Variants in MICAL2 observed in about 807,000 individuals in gnomAD.
MICAL2 encodes the protein [F-actin]-monooxygenase MICAL2.
Under a neutral mutation model 127.3 loss-of-function variants are expected in MICAL2, and 77 were observed. The ratio of observed to expected loss-of-function variants is 0.60; its 90% CI spans 0.50 to 0.73. The LOEUF (loss-of-function observed/expected upper bound fraction) is 0.73. Among genes scored for constraint, MICAL2 ranks in the 30% least tolerant of loss-of-function variants. The pLI is 0.00. For missense variants in MICAL2, 1,351 were observed against 1,434.4 expected (o/e 0.94, Z 0.94); for synonymous variants, 570 against 551.1 (o/e 1.03, Z -0.48).
At chr11:12,260,287 T>G (rs2134699771) in intron 26 of MICAL2, 1 of 1,427,486 alleles carries the variant, frequency 7.0e-7, no homozygotes, top group Admixed American at 2.9e-5. Context: ...AGCAATTAGC[T>G]CAAAGCCAAA....
At chr11:12,195,131 T>C (rs1859727761) in intron 3 of MICAL2, among the ~76,000 whole-genome samples, 1 of 151,984 alleles carries the variant, frequency 6.6e-6, no homozygotes, top group Admixed American at 6.6e-5. Context: ...GTGGTGTGTA[T>C]CTATAGTCCC....
At chr11:12,222,959 A>T (rs1171275100) in intron 11 of MICAL2, among the ~76,000 whole-genome samples, 1 of 152,162 alleles carries the variant, frequency 6.6e-6, no homozygotes, top group African/African-American at 2.4e-5. Context: ...GGAGAGATTT[A>T]TATGTATATG....
chr11:12,125,532 G>C (rs1360708588), intron 1 of MICAL2, among the ~76,000 whole-genome samples: 2 of 151,752 alleles, frequency 1.3e-5, no homozygotes, highest in African/African-American at 2.4e-5. Flanking sequence ...GGGATTACAG[G>C]CGTGAGCCAC....
In MICAL2 at chr11:12,337,806, A is replaced by G. The variant is rs1356565400; in HGVS notation, c.5515+10540A>G. 2.3e-3 allele frequency among the ~76,000 whole-genome samples: 345 copies of G among 152,034 alleles called. 1 individual carries two copies. The highest frequency in any genetic ancestry group is 7.8e-3 in the African/African-American group (324 of 41,460). Reference sequence around the variant, plus strand: ...TCCTGAGTTCTAGTTTGATTGCACTATGGTCTGAGAGACAGTTTGTTATAA... The same window carrying G: ...TCCTGAGTTCTAGTTTGATTGCACTGTGGTCTGAGAGACAGTTTGTTATAA... On this transcript the variant is annotated intron_variant, in intron 32 of 34. Coordinates refer to the MICAL2 transcript ENST00000646065.
At chr11:12,237,326 T>A (rs557065159) in intron 16 of MICAL2, among the ~76,000 whole-genome samples, 1 of 152,328 alleles carries the variant, frequency 6.6e-6, no homozygotes, top group East Asian at 1.9e-4. Flanking sequence ...GGAAGCACTG[T>A]TTCTTCTCCA....
chr11:12,280,144 C>A (rs575184033), intron 1 of MICAL2, among the ~76,000 whole-genome samples: 1 of 152,294 alleles, frequency 6.6e-6, no homozygotes, highest in East Asian at 1.9e-4. Flanking sequence ...ATGTTAAATA[C>A]CACCCACCCC....
intron 32 of MICAL2, among the ~76,000 whole-genome samples, chr11:12,344,544 A>G (rs1389307164): frequency 6.7e-6 from 1 of 148,172 alleles, no homozygotes; most frequent in Non-Finnish European, 1.5e-5. Flanking sequence ...CCTGTTGCCC[A>G]GGCTGGAGTG....
downstream of MICAL2, among the ~76,000 whole-genome samples, chr11:12,265,067 C>A (rs778683608): frequency 6.6e-6 from 1 of 152,184 alleles, no homozygotes; most frequent in East Asian, 1.9e-4. Flanking sequence ...ATTGTCAAAG[C>A]GTGACACCCC....
intron 21 of MICAL2, among the ~76,000 whole-genome samples, chr11:12,247,646 C>T (rs538857023): frequency 8.0e-4 from 122 of 152,304 alleles, no homozygotes; most frequent in African/African-American, 2.7e-3. Flanking sequence ...TCACCCATTG[C>T]CTTGACTTCC....
chr11:12,197,378 A>G (rs537909677), intron 3 of MICAL2: 1 of 152,408 alleles, frequency 6.6e-6, no homozygotes, highest in South Asian at 2.1e-4. Context: ...TGCATTTCTT[A>G]TAGTATGCTT....
intron 2 of MICAL2, among the ~76,000 whole-genome samples, chr11:12,156,284 A>C (rs1218991872): frequency 6.6e-6 from 1 of 152,220 alleles, no homozygotes; most frequent in African/African-American, 2.4e-5. Context: ...AGCATGTATA[A>C]GAGGACTCTC....
intron 3 of MICAL2, among the ~76,000 whole-genome samples, chr11:12,195,698 T>C (rs1292978318): frequency 7.7e-6 from 1 of 129,574 alleles, no homozygotes; most frequent in East Asian, 2.3e-4. Context: ...TTTTCTGCAA[T>C]AGATTTCTTT....
At chr11:12,171,124 G>T (rs915547565) in intron 3 of MICAL2, among the ~76,000 whole-genome samples, 1 of 152,232 alleles carries the variant, frequency 6.6e-6, no homozygotes, top group Admixed American at 6.5e-5. Context: ...CCACAGCCCT[G>T]TCTGGCCCTT....
chr11:12,276,371 C>G, intron 1 of MICAL2: 1 of 389,998 alleles, frequency 2.6e-6, no homozygotes, highest in Non-Finnish European at 4.5e-6. Flanking sequence ...GTGTATAGAA[C>G]AGTGCCCACA....
chr11:12,133,510 A>T (rs1851593726), intron 1 of MICAL2, among the ~76,000 whole-genome samples: 3 of 152,200 alleles, frequency 2.0e-5, no homozygotes, highest in African/African-American at 7.2e-5. Context: ...CTGGTCCAGA[A>T]AGTAGTGAGT....
chr11:12,211,474 A>G (rs761818290), intron 6 of MICAL2, among the ~76,000 whole-genome samples: 1 of 152,236 alleles, frequency 6.6e-6, no homozygotes, highest in Admixed American at 6.5e-5. Context: ...GCTGGAGTAC[A>G]TGGTGAGCAG....
chr11:12,136,466 C>T (rs4414200), intron 1 of MICAL2, among the ~76,000 whole-genome samples: 6,666 of 152,188 alleles, frequency 0.044, 497 homozygotes, highest in African/African-American at 0.15. Context: ...AAGGCAATAC[C>T]TGTACACAGG....
At chr11:12,313,961 A>ATTTTTTTTTTTTTTTTTT (rs60681621) in intron 29 of MICAL2, among the ~76,000 whole-genome samples, 3 of 43,780 alleles carry the variant, frequency 6.9e-5, no homozygotes, top group Non-Finnish European at 1.3e-4. Context: ...TCTTGGTCTG[A>ATTTTTTTTTTTTTTTTTT]TTTTTTTTTT....
At chr11:12,171,781 G>A (rs943674395) in intron 3 of MICAL2, among the ~76,000 whole-genome samples, 6 of 152,246 alleles carry the variant, frequency 3.9e-5, no homozygotes, top group South Asian at 4.2e-4. Context: ...GGCCAGTGCC[G>A]CCCAAAAGAA....
Sources: allele counts gnomAD v4.1 joint callset (sites outside exome capture counted in the v4.1 genomes callset), GRCh38; gene constraint gnomAD v4.1.1; transcripts MANE v1.5; gene names NCBI Gene and HGNC (gene_info 2026-07-23, HGNC 2026-07-21).